CASK: variants seen among roughly 807,000 people sequenced by gnomAD.
CASK encodes the protein calcium/calmodulin dependent serine protein kinase.
CASK carries 4 observed loss-of-function variants against 82.9 expected under a neutral mutation model. The ratio of observed to expected loss-of-function variants is 0.05; its 90% CI spans 0.02 to 0.11. The LOEUF (loss-of-function observed/expected upper bound fraction) is 0.11. Among genes scored for constraint, CASK ranks in the 10% least tolerant of loss-of-function variants. CASK has a pLI of 1.00. For synonymous variants in CASK, 259 were observed against 253.5 expected (o/e 1.02, Z -0.20); for missense variants, 358 against 720.9 (o/e 0.50, Z 5.76).
intron 21 of CASK, among the ~76,000 whole-genome samples, chrX:41,553,086 T>A (rs2065120369): frequency 8.9e-6 from 1 of 112,300 alleles, no homozygotes; most frequent in Admixed American, 9.4e-5. Flanking sequence ...GTAACAATAA[T>A]AGCAGAAATA....
At chrX:41,676,039 A>G (rs1220030702) in intron 5 of CASK, 9 of 1,205,398 alleles carry the variant, frequency 7.5e-6, no homozygotes, top group Non-Finnish European at 1.0e-5. Flanking sequence ...TGATTTCAAA[A>G]GCTTCTTGGT....
rs889728994 is a variant in CASK at position 41,858,973 on chromosome X, T to C, written c.60-5746A>G. Among the ~76,000 whole-genome samples the C allele has an allele frequency of 2.7e-5, 3 of 111,631 alleles. No homozygotes were observed. In the East Asian group the frequency reaches 8.3e-4, roughly 31 times the overall value. The stretch of plus-strand genomic sequence containing the variant: ...AACATAATAAAGTCAATATGAATTG[T>C]CAGTTGTAATTTTATATCTAATTGT... On this transcript the variant is annotated intron_variant, in intron 1 of 26. Transcript: ENST00000378163.
At chrX:41,882,177 C>T (rs915510628) in intron 1 of CASK, among the ~76,000 whole-genome samples, 1 of 111,517 alleles carries the variant, frequency 9.0e-6, no homozygotes, top group Non-Finnish European at 1.9e-5. Flanking sequence ...GATAACTCTT[C>T]CCTTCATATC....
chrX:41,578,889 A>AT (rs952328380), intron 14 of CASK, among the ~76,000 whole-genome samples: 8 of 112,302 alleles, frequency 7.1e-5, no homozygotes, highest in African/African-American at 1.6e-4. Flanking sequence ...AACTATCTCA[A>AT]TTTTTTTGTG....
chrX:41,901,942 G>A (rs181817701), intron 1 of CASK, among the ~76,000 whole-genome samples: 60 of 111,473 alleles, frequency 5.4e-4, no homozygotes, highest in Middle Eastern at 4.6e-3. Context: ...CTGGGATCAC[G>A]AAGGTAGGCC....
chrX:41,760,330 A>C (rs2068979144), intron 3 of CASK, among the ~76,000 whole-genome samples: 1 of 111,714 alleles, frequency 9.0e-6, no homozygotes, highest in Admixed American at 9.5e-5. Context: ...TTAGAACTGG[A>C]AGTTTAAGAG....
At chrX:41,641,578 T>A (rs1335857393) in intron 8 of CASK, among the ~76,000 whole-genome samples, 1 of 111,800 alleles carries the variant, frequency 8.9e-6, no homozygotes, top group African/African-American at 3.2e-5. Flanking sequence ...GTTAAATAGG[T>A]ATCATTTAAC....
At chrX:41,741,696 C>T (rs1203668169) in intron 4 of CASK, among the ~76,000 whole-genome samples, 1 of 111,861 alleles carries the variant, frequency 8.9e-6, no homozygotes, top group Admixed American at 9.5e-5. Context: ...CAAGTTATAA[C>T]AGAACTGAAC....
At chrX:41,581,740 G>GTATA (rs763246347) in intron 14 of CASK, among the ~76,000 whole-genome samples, 68 of 103,765 alleles carry the variant, frequency 6.6e-4, no homozygotes, top group Non-Finnish European at 9.9e-4. Context: ...ATTTAATATA[G>GTATA]TATATATATA....
At chrX:41,815,787 C>G (rs186474178) in intron 2 of CASK, among the ~76,000 whole-genome samples, 3 of 111,853 alleles carry the variant, frequency 2.7e-5, no homozygotes, top group African/African-American at 9.7e-5. Context: ...CTCAAAGAAT[C>G]TCAAGCAAAT....
chrX:41,565,457 C>T, intron 16 of CASK, among the ~76,000 whole-genome samples: 1 of 111,779 alleles, frequency 8.9e-6, no homozygotes, highest in Non-Finnish European at 1.9e-5. Flanking sequence ...ACTATAAACA[C>T]CTCTATGCAA....
intron 12 of CASK, among the ~76,000 whole-genome samples, chrX:41,605,509 G>A (rs915357968): frequency 1.8e-5 from 2 of 110,702 alleles, no homozygotes; most frequent in African/African-American, 6.6e-5. Flanking sequence ...TGAGGTAGGA[G>A]GGTGCTTGAG....
At chrX:41,766,465 T>C (rs1203998755) in intron 3 of CASK, among the ~76,000 whole-genome samples, 1 of 112,523 alleles carries the variant, frequency 8.9e-6, no homozygotes, top group Non-Finnish European at 1.9e-5. Flanking sequence ...CAGAGTTTCA[T>C]ACATTCATTA....
intron 1 of CASK, among the ~76,000 whole-genome samples, chrX:41,900,155 A>G (rs935820223): frequency 9.2e-6 from 1 of 108,999 alleles, no homozygotes; most frequent in African/African-American, 3.4e-5. Flanking sequence ...GTTTCCTTGT[A>G]GGTGATGGTT....
chrX:41,703,779 A>G (rs1046959494), intron 5 of CASK, among the ~76,000 whole-genome samples: 1 of 112,510 alleles, frequency 8.9e-6, no homozygotes, highest in Non-Finnish European at 1.9e-5. Context: ...ATTGCTTTCC[A>G]AAGTGATTTT....
intron 16 of CASK, 109 bp from the exon 17 acceptor site, chrX:41,561,753 A>C (rs1412133164): frequency 1.7e-6 from 1 of 585,358 alleles, no homozygotes; most frequent in Non-Finnish European, 2.8e-6. Context: ...ATTGAGGGCC[A>C]ATATTTCAGA....
intron 21 of CASK, among the ~76,000 whole-genome samples, chrX:41,550,279 C>T (rs977474153): frequency 2.7e-5 from 3 of 112,126 alleles, no homozygotes; most frequent in Admixed American, 1.9e-4. Context: ...AATCATATAG[C>T]GTGTTCTCTT....
chrX:41,557,245 T>C, intron 18 of CASK, 145 bp from the exon 19 acceptor site: 1 of 531,732 alleles, frequency 1.9e-6, no homozygotes, highest in South Asian at 2.8e-5. Flanking sequence ...GCTTGCATGA[T>C]TTCACAGAAG....
intron 15 of CASK, among the ~76,000 whole-genome samples, chrX:41,573,112 T>C (rs1296632646): frequency 3.9e-5 from 4 of 101,363 alleles, no homozygotes; most frequent in Admixed American, 1.1e-4. Context: ...TCTCGCTCTG[T>C]CACCCAGGCT....
Sources: gnomAD v4.1 joint callset for allele counts (sites outside exome capture counted in the v4.1 genomes callset) on GRCh38, gnomAD v4.1.1 for gene constraint, MANE v1.5 for transcripts, NCBI Gene and HGNC (gene_info 2026-07-23, HGNC 2026-07-21) for gene names.